PCNX2: variants seen among roughly 807,000 people sequenced by gnomAD.
PCNX2 encodes the protein pecanex 2, also known as pecanex-like protein 2.
PCNX2 carries 168 observed loss-of-function variants against 223.8 expected under a neutral mutation model. The observed-to-expected ratio is 0.75, with a 90% CI of 0.66 to 0.85. The LOEUF is 0.85. Ranked by LOEUF, PCNX2 falls within the 40% of genes least tolerant of loss-of-function variation. PCNX2 has a pLI of 0.00. For synonymous variants in PCNX2, 1,006 were observed against 1,052.6 expected (o/e 0.96, Z 0.86); for missense variants, 2,507 against 2,675.5 (o/e 0.94, Z 1.39).
chr1:233,105,576 G>C (rs1010471264), intron 21 of PCNX2, among the ~76,000 whole-genome samples: 1 of 152,072 alleles, frequency 6.6e-6, no homozygotes, highest in Non-Finnish European at 1.5e-5. Flanking sequence ...AGGAACATGG[G>C]GTAATAGTTT....
chr1:233,284,259 T>C (rs933944852), intron 1 of PCNX2, among the ~76,000 whole-genome samples: 16 of 152,192 alleles, frequency 1.1e-4, no homozygotes, highest in African/African-American at 3.6e-4. Flanking sequence ...AGAATGTTCT[T>C]TTCCTTAAGA....
At chr1:233,079,014 G>C (rs1673225943) in intron 23 of PCNX2, among the ~76,000 whole-genome samples, 1 of 152,118 alleles carries the variant, frequency 6.6e-6, no homozygotes, top group South Asian at 2.1e-4. Context: ...CAAATTCTAG[G>C]TGAGGAAATC....
At chr1:233,048,841 A>C (rs1405387356) in intron 25 of PCNX2, among the ~76,000 whole-genome samples, 2 of 152,198 alleles carry the variant, frequency 1.3e-5, no homozygotes, top group Non-Finnish European at 2.9e-5. Context: ...AATTGATCCT[A>C]AAAGAATACA....
intron 26 of PCNX2, among the ~76,000 whole-genome samples, chr1:233,017,914 G>T (rs1670743003): frequency 6.6e-6 from 1 of 152,222 alleles, no homozygotes. Context: ...GGCTTTGGTG[G>T]TTCCTAGGCT....
intron 21 of PCNX2, among the ~76,000 whole-genome samples, chr1:233,127,178 G>A (rs900418076): frequency 6.6e-6 from 1 of 151,942 alleles, no homozygotes; most frequent in East Asian, 1.9e-4. Context: ...CTTAACAGCC[G>A]TCAGCTGATA....
intron 14 of PCNX2, among the ~76,000 whole-genome samples, 197 bp downstream of exon 14, chr1:233,199,957 G>A (rs571085918): frequency 5.3e-5 from 8 of 152,228 alleles, no homozygotes; most frequent in African/African-American, 1.9e-4. Context: ...GCTCAACCAA[G>A]CTAAGTGGAC....
rs34818026 is a variant in PCNX2 at position 233,218,209 on chromosome 1, C to CAAA, written c.2505-28_2505-26dup. ...TCTGTGCAAAATATATACATAAAAGCAAAAAAAAAAAAAAAAAAAAAAAGT... is the reference window on the plus strand; with the variant it reads ...TCTGTGCAAAATATATACATAAAAGCAAAAAAAAAAAAAAAAAAAAAAAAAAGT... On this transcript the variant is annotated intron_variant, in intron 10 of 33. Transcript: ENST00000258229. 5.0e-3 allele frequency: 1,373 copies of CAAA among 274,640 alleles called. 32 individuals carry two copies. The highest frequency in any genetic ancestry group is 5.0e-3 in the Non-Finnish European group (944 of 189,368). The allele number at this position is 274,640 out of a possible 1,614,324, so 17.0% of individuals were successfully genotyped here.
intron 21 of PCNX2, among the ~76,000 whole-genome samples, chr1:233,125,043 C>T (rs920957083): frequency 5.3e-5 from 8 of 152,162 alleles, no homozygotes; most frequent in Non-Finnish European, 7.4e-5. Flanking sequence ...CTAAAGAAAG[C>T]ACAGAGGATA....
intron 5 of PCNX2, among the ~76,000 whole-genome samples, chr1:233,254,702 CTTTTTT>C (rs565430023): frequency 7.0e-6 from 1 of 141,948 alleles, no homozygotes; most frequent in Admixed American, 7.1e-5. Flanking sequence ...GATATACGCA[CTTTTTT>C]TTTTTTTTAC....
chr1:233,042,522 A>G (rs1448815197), intron 25 of PCNX2, among the ~76,000 whole-genome samples: 1 of 152,070 alleles, frequency 6.6e-6, no homozygotes, highest in Admixed American at 6.6e-5. Context: ...ATATCTCCCA[A>G]CCTGGGAGCT....
rs563095454 is a variant in PCNX2, at chr1:233,240,993, T to G, written c.2223-4013A>C. On this transcript the variant is annotated intron_variant, in intron 8 of 33. Coordinates refer to ENST00000258229, the MANE Select transcript of PCNX2 (RefSeq NM_014801.4). ...CTCAGAGAGAGGGCCTCCCTTTTTCTGCCTCTTTCCTTGTTTTTCAGGCTT... is the reference window on the plus strand; with the variant it reads ...CTCAGAGAGAGGGCCTCCCTTTTTCGGCCTCTTTCCTTGTTTTTCAGGCTT... 2.4e-4 allele frequency among the ~76,000 whole-genome samples: 36 copies of G among 152,368 alleles called. No homozygotes were observed. In the South Asian group the frequency reaches 7.2e-3, roughly 31 times the overall value.
chr1:233,215,761 C>T (rs1682087664), intron 12 of PCNX2, among the ~76,000 whole-genome samples: 2 of 152,146 alleles, frequency 1.3e-5, no homozygotes, highest in African/African-American at 4.8e-5. Context: ...AACAAAAAAG[C>T]TTCAAAGCTG....
intron 32 of PCNX2, among the ~76,000 whole-genome samples, chr1:232,987,694 ACAT>A (rs1669542285): frequency 6.6e-6 from 1 of 152,200 alleles, no homozygotes; most frequent in Non-Finnish European, 1.5e-5. Flanking sequence ...AAGAACTGAC[ACAT>A]CATGTGAGAG....
intron 15 of PCNX2, among the ~76,000 whole-genome samples, chr1:233,183,987 T>G (rs1404066620): frequency 1.3e-5 from 2 of 152,248 alleles, no homozygotes; most frequent in Non-Finnish European, 2.9e-5. Context: ...AGGGCTTCTC[T>G]TATTTCATTT....
intron 26 of PCNX2, among the ~76,000 whole-genome samples, chr1:233,017,901 G>A (rs1007660431): frequency 1.3e-5 from 2 of 152,258 alleles, no homozygotes; most frequent in East Asian, 1.9e-4. Flanking sequence ...CGGGGTTGCT[G>A]TAGGCTTTGG....
chr1:233,175,202 A>G (rs965459152), intron 17 of PCNX2, among the ~76,000 whole-genome samples: 1 of 152,228 alleles, frequency 6.6e-6, no homozygotes, highest in African/African-American at 2.4e-5. Context: ...AGAAGGTATT[A>G]TATCAAACTC....
intron 21 of PCNX2, among the ~76,000 whole-genome samples, chr1:233,132,506 C>T (rs1421311501): frequency 2.6e-5 from 4 of 152,184 alleles, no homozygotes; most frequent in Non-Finnish European, 5.9e-5. Flanking sequence ...ACTCTTCTTA[C>T]TACAGGTATG....
intron 32 of PCNX2, among the ~76,000 whole-genome samples, chr1:232,987,645 G>GTGAT (rs1669540477): frequency 6.6e-6 from 1 of 152,188 alleles, no homozygotes; most frequent in Non-Finnish European, 1.5e-5. Flanking sequence ...TATGCATCTG[G>GTGAT]TGATTGTGAA....
intron 31 of PCNX2, among the ~76,000 whole-genome samples, chr1:232,998,881 G>A (rs1439188042): frequency 1.3e-5 from 2 of 152,344 alleles, no homozygotes; most frequent in Non-Finnish European, 2.9e-5. Flanking sequence ...CTGTGCAAAT[G>A]TGGGGGAAAG....
Sources: allele counts gnomAD v4.1 joint callset (sites outside exome capture counted in the v4.1 genomes callset), GRCh38; gene constraint gnomAD v4.1.1; transcripts MANE v1.5; gene names NCBI Gene and HGNC (gene_info 2026-07-23, HGNC 2026-07-21).